UNC13C: variants seen among roughly 807,000 people sequenced by gnomAD.
UNC13C encodes the protein protein unc-13 homolog C.
A neutral mutation model predicts 245.4 loss-of-function variants in UNC13C; 174 were observed. That is an observed-to-expected ratio of 0.71 (90% CI 0.63 to 0.80). UNC13C has a LOEUF of 0.80. Ranked by LOEUF, UNC13C falls within the 30% of genes least tolerant of loss-of-function variation. The probability of loss-of-function intolerance (pLI) is 0.00; values close to 1 mark genes in which losing one functional copy is unlikely to be tolerated. For missense variants in UNC13C, 2,829 were observed against 2,602.9 expected, an observed-to-expected ratio of 1.09 and a Z score of -1.89; for synonymous variants, 992 against 895.1, an observed-to-expected ratio of 1.11 and a Z score of -1.93.
At chr15:54,473,796 T>C (rs1892584273) in intron 19 of UNC13C, among the ~76,000 whole-genome samples, 1 of 151,876 alleles carries the variant, frequency 6.6e-6, no homozygotes, top group South Asian at 2.1e-4. Flanking sequence ...ACACATGTAG[T>C]GGTGAAGTCA....
chr15:54,469,533 T>C lies in UNC13C; in HGVS notation c.4934-25075T>C, dbSNP rs572083310. Among the ~76,000 whole-genome samples the C allele has an allele frequency of 3.9e-4, 59 of 151,672 alleles. 1 individual carries two copies. In the South Asian group the frequency reaches 0.012, roughly 30 times the overall value. On this transcript the variant is annotated intron_variant, in intron 19 of 32. Coordinates refer to ENST00000260323, the MANE Select transcript of UNC13C (RefSeq NM_001080534.3). ...AAAATCTGTGCATGTTCAATCCCCT[T>C]ATCTAAAATGGCTCAATATTTGCAT... is the stretch of plus-strand genomic sequence containing the variant.
chr15:54,210,556 A>G (rs529817018), intron 4 of UNC13C, among the ~76,000 whole-genome samples: 2 of 152,224 alleles, frequency 1.3e-5, no homozygotes, highest in South Asian at 4.1e-4. Context: ...TTATAATTCC[A>G]TGCATTTATG....
At chr15:54,626,697 A>T in intron 32 of UNC13C, 131 bp from the exon 33 acceptor site, 1 of 838,884 alleles carries the variant, frequency 1.2e-6, no homozygotes, top group Non-Finnish European at 1.8e-6. Flanking sequence ...GGGTTAAAAT[A>T]CACTGATATC....
At chr15:54,422,327 GC>G (rs2040662748) in intron 19 of UNC13C, among the ~76,000 whole-genome samples, 1 of 151,894 alleles carries the variant, frequency 6.6e-6, no homozygotes, top group South Asian at 2.1e-4. Flanking sequence ...ACCTATCATA[GC>G]CCTCTAAGTA....
rs746393403 is a variant in UNC13C, at chr15:54,327,512, TA to T, written c.4426-4530del. On this transcript the variant is annotated intron_variant, in intron 14 of 32. Coordinates refer to ENST00000260323, the MANE Select transcript of UNC13C (RefSeq NM_001080534.3). ...TCATAAAATTTGGGAAAACACCAAT[TA>T]TTTTTTTCATATGTGATGTAAAAGC... 4.6e-5 allele frequency among the ~76,000 whole-genome samples: 7 copies of T among 152,188 alleles called. No individual in the cohort carries two copies. The East Asian group carries it at 5.8e-4, about 13-fold the overall frequency.
intron 20 of UNC13C, among the ~76,000 whole-genome samples, chr15:54,499,127 T>G (rs1894086547): frequency 1.3e-5 from 2 of 152,102 alleles, no homozygotes; most frequent in Admixed American, 6.6e-5. Context: ...CTTCTGCTTC[T>G]GGGAAGTCCC....
intron 24 of UNC13C, among the ~76,000 whole-genome samples, chr15:54,519,692 A>G (rs1895134612): frequency 6.6e-6 from 1 of 152,216 alleles, no homozygotes; most frequent in Non-Finnish European, 1.5e-5. Context: ...GGCATTTTAA[A>G]ACGAAACAAA....
At chr15:53,843,650 A>G in the UNC13C span, among the ~76,000 whole-genome samples, 2 of 152,162 alleles carry the variant, frequency 1.3e-5, no homozygotes, top group Non-Finnish European at 2.9e-5. Context: ...GAGAAAAAAG[A>G]GCCCATGAAG....
At chr15:54,367,314 A>G (rs574934681) in intron 17 of UNC13C, among the ~76,000 whole-genome samples, 40 of 152,240 alleles carry the variant, frequency 2.6e-4, no homozygotes, top group Admixed American at 7.9e-4. Context: ...TACATTTTCC[A>G]ATCCTACCTA....
At chr15:54,075,030 A>C (rs1468705732) in intron 2 of UNC13C, among the ~76,000 whole-genome samples, 1 of 151,906 alleles carries the variant, frequency 6.6e-6, no homozygotes, top group Admixed American at 6.6e-5. Flanking sequence ...GTGTAGTTGG[A>C]GTCAGTCAGA....
chr15:54,427,381 T>C (rs1379004048), intron 19 of UNC13C, among the ~76,000 whole-genome samples: 2 of 151,796 alleles, frequency 1.3e-5, no homozygotes, highest in African/African-American at 4.8e-5. Flanking sequence ...AGAAGTGCCT[T>C]TCTCTTCCCA....
chr15:54,520,753 G>T (rs1895180568), intron 24 of UNC13C, among the ~76,000 whole-genome samples: 1 of 152,136 alleles, frequency 6.6e-6, no homozygotes, highest in Non-Finnish European at 1.5e-5. Context: ...TTGAAATTAA[G>T]AAATCATTGG....
chr15:54,457,133 G>C (rs1567291141), intron 19 of UNC13C, among the ~76,000 whole-genome samples: 1 of 152,086 alleles, frequency 6.6e-6, no homozygotes, highest in Non-Finnish European at 1.5e-5. Context: ...CTGTTGAGAT[G>C]ATCATATGAT....
intron 2 of UNC13C, among the ~76,000 whole-genome samples, chr15:54,083,822 C>T (rs1377135813): frequency 6.6e-6 from 1 of 152,172 alleles, no homozygotes; most frequent in Admixed American, 6.5e-5. Context: ...TCTGCTGGTG[C>T]ATCGTCTTGG....
the UNC13C span, among the ~76,000 whole-genome samples, chr15:53,846,861 T>A: frequency 0.28 from 42,186 of 152,108 alleles, 7,151 homozygotes; most frequent in Non-Finnish European, 0.37. Flanking sequence ...AGACTGAGAG[T>A]GAGACAGAGA....
At position 54,274,087 on chromosome 15, in the gene UNC13C, A is replaced by G. The variant is rs530074591; in HGVS notation, c.3818+8591A>G. ...TTTTTTGCCCCAGAGCTTTCATTAC[A>G]ATTGGAGTGGAGATGATGCTGAGGC... On this transcript the variant is annotated intron_variant, in intron 10 of 32. Transcript: ENST00000260323. 7.2e-5 allele frequency among the ~76,000 whole-genome samples: 11 copies of G among 152,208 alleles called. No homozygotes were observed. The East Asian group carries it at 2.1e-3, about 29-fold the overall frequency.
At position 54,498,101 on chromosome 15, in the gene UNC13C, G is replaced by A. The variant is rs1894037605; in HGVS notation, c.5061-1978G>A. On this transcript the variant is annotated intron_variant, in intron 20 of 32. Transcript: ENST00000260323. ...TTGAAAAATCTGAATAAAACATTTA[G>A]AGATATCTATCTATATAGGTATCTA... 3.3e-5 allele frequency among the ~76,000 whole-genome samples: 5 copies of A among 152,156 alleles called. 1 individual carries two copies. The highest frequency in any genetic ancestry group is 3.3e-4 in the Admixed American group (5 of 15,260).
chr15:54,523,990 G>A (rs1461047958), intron 24 of UNC13C, among the ~76,000 whole-genome samples: 1 of 152,154 alleles, frequency 6.6e-6, no homozygotes, highest in Non-Finnish European at 1.5e-5. Context: ...TGATTCCTTA[G>A]GATTGGAGTG....
Position 54,628,465 on chromosome 15 carries a change from A to C in UNC13C, c.*1352A>C, listed in dbSNP as rs1351176891. On this transcript the variant is annotated 3_prime_UTR_variant, in exon 33 of 33. Transcript: ENST00000260323. ...TGTCAGAACCATTCTGCAACTGAGT[A>C]TGAAATCACAGACCAGTGAGGTGAG... is the stretch of plus-strand genomic sequence containing the variant. 6.6e-6 allele frequency: 1 copy of C among 152,582 alleles called. No homozygotes were observed. Among genetic ancestry groups the C allele is most frequent in the African/African-American group, 2.4e-5 (1 of 41,452 alleles). The allele number at this position is 152,582 out of a possible 1,614,324, so 9.5% of individuals were successfully genotyped here. A position where few individuals can be genotyped will look rare whatever the true frequency, so the allele number is the denominator to read the frequency against.
Sources: allele counts gnomAD v4.1 joint callset (sites outside exome capture counted in the v4.1 genomes callset), GRCh38; gene constraint gnomAD v4.1.1; transcripts MANE v1.5; gene names NCBI Gene and HGNC (gene_info 2026-07-23, HGNC 2026-07-21).